JMJD1C: variants seen among roughly 807,000 people sequenced by gnomAD.
JMJD1C encodes the protein jumonji domain-containing protein 1C.
Under a neutral mutation model 245.3 loss-of-function variants are expected in JMJD1C, and 31 were observed. The ratio of observed to expected loss-of-function variants is 0.13; its 90% CI spans 0.09 to 0.17. The LOEUF (loss-of-function observed/expected upper bound fraction) is 0.17. Among genes scored for constraint, JMJD1C ranks in the 10% least tolerant of loss-of-function variants. The pLI, the probability that JMJD1C is intolerant of heterozygous loss-of-function variation, is 1.00. For synonymous variants in JMJD1C, 1,057 were observed against 1,017.4 expected (o/e 1.04, Z -0.74); for missense variants, 2,691 against 3,000.2 (o/e 0.90, Z 2.41).
At chr10:63,411,905 ATT>A (rs1174450794) in intron 1 of JMJD1C, among the ~76,000 whole-genome samples, 156 of 126,148 alleles carry the variant, frequency 1.2e-3, no homozygotes, top group African/African-American at 2.0e-3. Context: ...GCCTGGCCCA[ATT>A]TTTTTTTTTT....
At chr10:63,308,130 G>A (rs758472348) in intron 2 of JMJD1C, among the ~76,000 whole-genome samples, 4 of 151,788 alleles carry the variant, frequency 2.6e-5, no homozygotes, top group African/African-American at 7.3e-5. Flanking sequence ...CAGCCTGGAC[G>A]ACAGAGTGAG....
intron 1 of JMJD1C, among the ~76,000 whole-genome samples, chr10:63,506,506 T>C (rs1954721619): frequency 6.6e-6 from 1 of 152,224 alleles, no homozygotes; most frequent in South Asian, 2.1e-4. Context: ...TGGGATTATA[T>C]CCAGGCCATT....
chr10:63,168,093 T>G lies in JMJD1C; in HGVS notation c.7575A>C (p.Arg2525Ser). 6.2e-7 allele frequency: 1 copy of G among 1,606,716 alleles called. No individual in the cohort carries two copies. The highest frequency in any genetic ancestry group is 8.5e-7 in the Non-Finnish European group (1 of 1,174,026). ...ILYHAVKEMV[R>S]ALKIHEDEVE... is the part of the protein sequence containing the mutation. ...CTTCATCCTCGTGTATCTTCAAGGC[T>G]CTCACCATTTCTTTGACTGCATGAT... The change falls in exon 26 of 26, where the codon AGA becomes AGC. Residue 2525 changes from arginine to serine, a missense_variant. Transcript: ENST00000399262.
intron 3 of JMJD1C, among the ~76,000 whole-genome samples, chr10:63,255,163 A>G (rs1853701430): frequency 6.6e-6 from 1 of 152,154 alleles, no homozygotes; most frequent in Non-Finnish European, 1.5e-5. Context: ...TTTTTTGACT[A>G]TCACAAGCTG....
intron 1 of JMJD1C, among the ~76,000 whole-genome samples, chr10:63,398,359 A>T (rs1424328355): frequency 2.0e-5 from 3 of 152,082 alleles, no homozygotes; most frequent in Non-Finnish European, 2.9e-5. Flanking sequence ...ACAGCCTTCA[A>T]TTACCTGTAT....
intron 3 of JMJD1C, among the ~76,000 whole-genome samples, chr10:63,230,869 C>T (rs969742212): frequency 1.3e-5 from 2 of 151,994 alleles, no homozygotes; most frequent in African/African-American, 4.8e-5. Flanking sequence ...GGCTTTCTAC[C>T]ACACAAGGTT....
At chr10:63,178,863 A>C (rs1245094490) in intron 22 of JMJD1C, among the ~76,000 whole-genome samples, 1 of 152,194 alleles carries the variant, frequency 6.6e-6, no homozygotes, top group East Asian at 1.9e-4. Context: ...TTTTAAAAGG[A>C]CCAGTGAACA....
intron 2 of JMJD1C, among the ~76,000 whole-genome samples, chr10:63,313,413 A>C (rs912542630): frequency 1.3e-5 from 2 of 152,294 alleles, no homozygotes; most frequent in Non-Finnish European, 2.9e-5. Flanking sequence ...ATGACTGTGC[A>C]AGTATCTTTT....
At chr10:63,254,339 A>C (rs1187513404) in intron 3 of JMJD1C, among the ~76,000 whole-genome samples, 2 of 152,204 alleles carry the variant, frequency 1.3e-5, no homozygotes, top group Non-Finnish European at 2.9e-5. Flanking sequence ...GCTTGATGCC[A>C]GTGTACGCAA....
intron 1 of JMJD1C, among the ~76,000 whole-genome samples, chr10:63,503,603 C>T (rs1449901926): frequency 6.6e-6 from 1 of 152,144 alleles, no homozygotes; most frequent in African/African-American, 2.4e-5. Context: ...CACTCACAAC[C>T]GACCAGCTGC....
At chr10:63,301,300 C>T (rs1860042744) in intron 2 of JMJD1C, among the ~76,000 whole-genome samples, 1 of 152,216 alleles carries the variant, frequency 6.6e-6, no homozygotes, top group South Asian at 2.1e-4. Flanking sequence ...CAGGCATGAA[C>T]CACCACATCC....
At chr10:63,399,695 T>C (rs1239057272) in intron 1 of JMJD1C, among the ~76,000 whole-genome samples, 4 of 152,132 alleles carry the variant, frequency 2.6e-5, no homozygotes, top group East Asian at 1.9e-4. Flanking sequence ...TAAATCACTA[T>C]GTTAAAAACT....
At chr10:63,388,104 G>A (rs1322087685) in intron 1 of JMJD1C, among the ~76,000 whole-genome samples, 8 of 151,976 alleles carry the variant, frequency 5.3e-5, no homozygotes, top group African/African-American at 1.2e-4. Flanking sequence ...TCGCAAGGCT[G>A]GCAAAAAGTT....
At chr10:63,243,518 T>A (rs1851790316) in intron 3 of JMJD1C, among the ~76,000 whole-genome samples, 1 of 152,070 alleles carries the variant, frequency 6.6e-6, no homozygotes, top group Non-Finnish European at 1.5e-5. Context: ...AAGAGCAAAA[T>A]TCTGTCTCAA....
chr10:63,451,657 A>AT (rs1952077087), intron 1 of JMJD1C, among the ~76,000 whole-genome samples: 1 of 152,214 alleles, frequency 6.6e-6, no homozygotes, highest in Admixed American at 6.5e-5. Context: ...TGTAGGTTAC[A>AT]TGCAAATACT....
chr10:63,233,224 A>G (rs1392536908), intron 3 of JMJD1C, among the ~76,000 whole-genome samples: 1 of 152,162 alleles, frequency 6.6e-6, no homozygotes, highest in Non-Finnish European at 1.5e-5. Context: ...AAATGTGTCC[A>G]ATTAACCTGC....
intron 2 of JMJD1C, among the ~76,000 whole-genome samples, chr10:63,277,731 C>CATTTTTTTT (rs1856942996): frequency 1.6e-5 from 1 of 64,262 alleles, no homozygotes; most frequent in Non-Finnish European, 2.6e-5. Context: ...ATTTGCATTT[C>CATTTTTTTT]TTTTTTTTTT....
At chr10:63,303,186 T>C (rs1564757686) in intron 2 of JMJD1C, among the ~76,000 whole-genome samples, 1 of 152,258 alleles carries the variant, frequency 6.6e-6, no homozygotes, top group Non-Finnish European at 1.5e-5. Flanking sequence ...TAAAACTCTT[T>C]GCATCTAAGA....
At chr10:63,289,986 A>G (rs1858448696) in intron 2 of JMJD1C, among the ~76,000 whole-genome samples, 1 of 152,122 alleles carries the variant, frequency 6.6e-6, no homozygotes, top group Non-Finnish European at 1.5e-5. Flanking sequence ...AAGATTAATG[A>G]AAGGTGAACA....
Sources: allele counts gnomAD v4.1 joint callset (sites outside exome capture counted in the v4.1 genomes callset), GRCh38; gene constraint gnomAD v4.1.1; transcripts MANE v1.5; gene names NCBI Gene and HGNC (gene_info 2026-07-23, HGNC 2026-07-21).